DSCAM: variants seen among roughly 807,000 people sequenced by gnomAD.
The protein encoded by DSCAM is DS cell adhesion molecule.
In DSCAM, 47 loss-of-function variants were observed where a neutral mutation model predicts 217.7. That is an observed-to-expected ratio of 0.22 (90% CI 0.17 to 0.28). DSCAM has a LOEUF of 0.28. DSCAM is among the 10% of genes least tolerant of loss of function. The pLI is 1.00. For synonymous variants in DSCAM, 1,056 were observed against 1,015.3 expected (o/e 1.04, Z -0.76); for missense variants, 2,080 against 2,618.3 (o/e 0.79, Z 4.49).
At chr21:40,645,340 G>A (rs897123247) in intron 3 of DSCAM, among the ~76,000 whole-genome samples, 9 of 152,076 alleles carry the variant, frequency 5.9e-5, no homozygotes, top group East Asian at 1.9e-4. Context: ...TAAAGTATCC[G>A]ATAAAGAGCA....
Position 40,083,922 on chromosome 21 carries a change from C to T in DSCAM, c.4217G>A (p.Gly1406Asp). Residue 1406 changes from glycine (G) to aspartate (D), a missense_variant, in exon 24 of 33, where the codon GGC (glycine) becomes GAC (aspartate). Physicochemically the swap from Gly to Asp is moderately conservative, Grantham distance 94. Coordinates refer to ENST00000400454, the MANE Select transcript of DSCAM (RefSeq NM_001389.5). Reference sequence around the variant, plus strand: ...TATCTTATTACCTCTGATAGAGCTGCCCCCGTTGTCTCCAGGGAGCCAAGA... The same window carrying T: ...TATCTTATTACCTCTGATAGAGCTGTCCCCGTTGTCTCCAGGGAGCCAAGA... ...TLSWLPGDNGGSSIRGYILQY... is the reference protein window; with the variant it reads ...TLSWLPGDNGDSSIRGYILQY... 6.2e-7 allele frequency: 1 copy of T among 1,613,020 alleles called. No homozygotes were observed. Among genetic ancestry groups the T allele is most frequent in the Non-Finnish European group, 8.5e-7 (1 of 1,179,340 alleles).
chr21:40,830,964 T>C (rs1176305890), intron 1 of DSCAM, among the ~76,000 whole-genome samples: 2 of 152,200 alleles, frequency 1.3e-5, no homozygotes, highest in Non-Finnish European at 2.9e-5. Flanking sequence ...GTGAGGTGGC[T>C]GATTGGACAG....
At position 40,338,291 on chromosome 21, in the gene DSCAM, C is replaced by G. The variant is rs751948729; in HGVS notation, c.1593G>C (p.Pro531=). 9.9e-6 allele frequency: 16 copies of G among 1,614,074 alleles called. No individual in the cohort carries two copies. The highest frequency in any genetic ancestry group is 3.3e-4 in the Middle Eastern group (2 of 6,084). The change falls in exon 8 of 33, where the codon CCG becomes CCC. Residue 531 remains proline, a synonymous_variant. Transcript: ENST00000400454. ...TYIHCRVIGY[P]YYSIKWYKNS... ...TCTTGTACCATTTAATGGAGTAATA[C>G]GGATAGCCAATCACACGACAGTGAA...
intron 8 of DSCAM, 131 bp downstream of exon 8, chr21:40,337,970 T>A (rs1163546492): frequency 1.7e-6 from 2 of 1,166,330 alleles, no homozygotes; most frequent in Admixed American, 4.4e-5. Context: ...ATGTTCCCTG[T>A]CATTCTTCAG....
intron 21 of DSCAM, among the ~76,000 whole-genome samples, chr21:40,087,841 C>A (rs2089552511): frequency 6.6e-6 from 1 of 152,180 alleles, no homozygotes; most frequent in Non-Finnish European, 1.5e-5. Flanking sequence ...TTGCTTGGAA[C>A]AGTGATTCAG....
At chr21:40,697,077 C>T (rs2090603681) in intron 2 of DSCAM, among the ~76,000 whole-genome samples, 1 of 152,166 alleles carries the variant, frequency 6.6e-6, no homozygotes. Context: ...CCCCTTGCTT[C>T]CCAGCCTCTG....
rs2092150891 is a variant in DSCAM at position 40,846,858 on chromosome 21, CGCGCTGCGCTCCTGCACACCTGCTCCCGG to C, written c.-226_-198del. 1.3e-5 allele frequency: 2 copies of C among 150,712 alleles called. No homozygotes were observed. Among genetic ancestry groups the C allele is most frequent in the Admixed American group, 6.6e-5 (1 of 15,044 alleles). The allele number at this position is 150,712 out of a possible 1,614,324, so 9.3% of individuals were successfully genotyped here. On this transcript the variant is annotated 5_prime_UTR_variant, in exon 1 of 33. Transcript: ENST00000400454. ...TCCGGAGCGAGGGCTGCGCTCGCCG[CGCGCTGCGCTCCTGCACACCTGCTCCCGG>C]GCGCCGCGCCCCACGCTGCGGCCGG...
At chr21:40,117,653 A>G (rs774776786) in intron 20 of DSCAM, among the ~76,000 whole-genome samples, 3 of 152,226 alleles carry the variant, frequency 2.0e-5, no homozygotes, top group Non-Finnish European at 4.4e-5. Context: ...ATGAAATAGA[A>G]TAGAAAAAAA....
chr21:40,686,360 C>T (rs892543495), intron 3 of DSCAM, among the ~76,000 whole-genome samples: 2 of 150,708 alleles, frequency 1.3e-5, no homozygotes, highest in African/African-American at 4.9e-5. Flanking sequence ...CACACACACA[C>T]CACACACACT....
chr21:40,067,111 C>A (rs767441194), intron 27 of DSCAM, among the ~76,000 whole-genome samples: 2 of 152,164 alleles, frequency 1.3e-5, no homozygotes, highest in African/African-American at 2.4e-5. Flanking sequence ...TTACCCTACC[C>A]TACAGTTGGG....
chr21:40,274,762 C>T (rs1011977435), intron 11 of DSCAM, among the ~76,000 whole-genome samples: 1 of 152,056 alleles, frequency 6.6e-6, no homozygotes, highest in South Asian at 2.1e-4. Flanking sequence ...CCAAAACAAC[C>T]CCATTTCATA....
intron 1 of DSCAM, among the ~76,000 whole-genome samples, chr21:40,752,650 G>A (rs962749551): frequency 7.2e-5 from 11 of 152,156 alleles, no homozygotes; most frequent in African/African-American, 2.7e-4. Flanking sequence ...TTACATCACT[G>A]TACTCCAGCC....
At chr21:40,472,769 A>G (rs1226422580) in intron 3 of DSCAM, among the ~76,000 whole-genome samples, 3 of 152,154 alleles carry the variant, frequency 2.0e-5, no homozygotes, top group Non-Finnish European at 4.4e-5. Context: ...CATTTCTCAG[A>G]GCAATTATCT....
intron 17 of DSCAM, among the ~76,000 whole-genome samples, chr21:40,143,774 G>A (rs1372104052): frequency 1.3e-5 from 2 of 152,206 alleles, no homozygotes; most frequent in African/African-American, 2.4e-5. Flanking sequence ...CTGGGAGAGA[G>A]AGCCGGACTC....
intron 3 of DSCAM, among the ~76,000 whole-genome samples, chr21:40,689,705 T>C (rs1486510765): frequency 1.3e-5 from 2 of 152,232 alleles, no homozygotes; most frequent in Admixed American, 1.3e-4. Context: ...CTGGGATGAC[T>C]TGATAATCCG....
chr21:40,572,441 C>T (rs760683738), intron 3 of DSCAM, among the ~76,000 whole-genome samples: 8 of 151,934 alleles, frequency 5.3e-5, no homozygotes, highest in Admixed American at 2.6e-4. Flanking sequence ...TTGATAATTA[C>T]ATTAAATATA....
intron 20 of DSCAM, 61 bp downstream of exon 20, chr21:40,124,134 G>A (rs1172475727): frequency 5.0e-6 from 8 of 1,607,798 alleles, no homozygotes; most frequent in Admixed American, 1.7e-5. Flanking sequence ...TGTCCAGTGC[G>A]AGCACCTGCA....
intron 27 of DSCAM, among the ~76,000 whole-genome samples, chr21:40,069,295 C>T (rs1303651701): frequency 6.6e-6 from 1 of 152,050 alleles, no homozygotes; most frequent in Non-Finnish European, 1.5e-5. Flanking sequence ...GAAATGGCAC[C>T]TCTGGTTGGA....
chr21:40,293,190 T>C (rs2073914958), intron 10 of DSCAM, among the ~76,000 whole-genome samples: 1 of 152,128 alleles, frequency 6.6e-6, no homozygotes, highest in South Asian at 2.1e-4. Flanking sequence ...GGACCCTTTA[T>C]AGCCAGGGGC....
Sources: gnomAD v4.1 joint callset for allele counts (sites outside exome capture counted in the v4.1 genomes callset) on GRCh38, gnomAD v4.1.1 for gene constraint, MANE v1.5 for transcripts, NCBI Gene and HGNC (gene_info 2026-07-23, HGNC 2026-07-21) for gene names.